Variants in INCENP observed in about 807,000 individuals in gnomAD.
The protein encoded by INCENP is inner centromere protein, also known as binds and activates aurora-B and -C in vivo and in vitro.
INCENP carries 43 observed loss-of-function variants against 107.3 expected under a neutral mutation model. The observed-to-expected ratio is 0.40, with a 90% CI of 0.31 to 0.52. The LOEUF is 0.52. Among genes scored for constraint, INCENP ranks in the 20% least tolerant of loss-of-function variants. The probability of loss-of-function intolerance (pLI) is 0.53; values close to 1 mark genes in which losing one functional copy is unlikely to be tolerated. For missense variants in INCENP, 1,089 were observed against 1,250.9 expected (o/e 0.87, Z 1.95); for synonymous variants, 488 against 494.4 (o/e 0.99, Z 0.17).
chr11:62,129,495 C>T (rs1274702448), intron 3 of INCENP, among the ~76,000 whole-genome samples: 3 of 152,122 alleles, frequency 2.0e-5, no homozygotes, highest in Non-Finnish European at 2.9e-5. Context: ...AGCAGGGGCT[C>T]GGTGTGGTGT....
At chr11:62,139,531 C>T (rs1174082257) in intron 7 of INCENP, among the ~76,000 whole-genome samples, 2 of 152,222 alleles carry the variant, frequency 1.3e-5, no homozygotes, top group Admixed American at 6.5e-5. Context: ...ATCTTGAACA[C>T]GGCCTCCTCC....
At chr11:62,139,984 G>A (rs1944077443) in intron 7 of INCENP, among the ~76,000 whole-genome samples, 1 of 152,064 alleles carries the variant, frequency 6.6e-6, no homozygotes, top group South Asian at 2.1e-4. Flanking sequence ...TCACTATGTT[G>A]GCCAGGCTGG....
chr11:62,145,162 C>T lies in INCENP; in HGVS notation c.1716-7C>T. 1 of 1,614,160 alleles carries T rather than the reference C, an allele frequency of 6.2e-7. No individual in the cohort carries two copies. The highest frequency in any genetic ancestry group is 8.5e-7 in the Non-Finnish European group (1 of 1,180,032). On this transcript the variant is annotated splice_region_variant and splice_polypyrimidine_tract_variant and intron_variant, in intron 12 of 18. Transcript: ENST00000394818. ...GGGGCTCCCCATGACTATCCTATGC[C>T]CCGCAGGAAGCGTGAGGAACGCCTC... is the stretch of plus-strand genomic sequence containing the variant.
intron 11 of INCENP, among the ~76,000 whole-genome samples, chr11:62,143,999 T>C (rs1179534780): frequency 6.6e-6 from 1 of 152,210 alleles, no homozygotes; most frequent in Non-Finnish European, 1.5e-5. Flanking sequence ...ATCAATCAGC[T>C]TTTCAGCCAA....
chr11:62,131,146 A>T (rs1943885816), intron 4 of INCENP, among the ~76,000 whole-genome samples: 1 of 152,110 alleles, frequency 6.6e-6, no homozygotes, highest in African/African-American at 2.4e-5. Flanking sequence ...TGGGCATCTG[A>T]TGGGAGCCAG....
rs1486721932 is a variant in INCENP, at chr11:62,145,741, G to C, written c.1949G>C (p.Trp650Ser). The C allele has an allele frequency of 1.3e-6, 2 of 1,553,012 alleles. No homozygotes were observed. Among genetic ancestry groups the C allele is most frequent in the African/African-American group, 1.4e-5 (1 of 73,194 alleles). Residue 650 changes from tryptophan to serine, a missense_variant, in exon 14 of 19, where the codon TGG becomes TCG. Coordinates refer to ENST00000394818, the MANE Select transcript of INCENP (RefSeq NM_001040694.2). ...GAAGAGGAGGCACGTAGGCTCAGGT[G>C]GCTGCAGCAGGTGCGAGCACAGGTG... ...KQEEEARRLR[W>S]LQQEEEERRH...
At chr11:62,131,071 C>T (rs1451419897) in intron 4 of INCENP, among the ~76,000 whole-genome samples, 3 of 152,198 alleles carry the variant, frequency 2.0e-5, no homozygotes, top group Non-Finnish European at 2.9e-5. Flanking sequence ...CGCCTATTGG[C>T]GACACTGTGT....
intron 3 of INCENP, 136 bp downstream of exon 3, chr11:62,129,019 T>C (rs750330917): frequency 7.6e-5 from 49 of 648,056 alleles, no homozygotes; most frequent in Non-Finnish European, 1.2e-4. Context: ...CCGCGGGTAC[T>C]GCGTGGGCCA....
chr11:62,131,159 G>A (rs1471614517), intron 4 of INCENP, among the ~76,000 whole-genome samples: 49 of 152,196 alleles, frequency 3.2e-4, no homozygotes, highest in Admixed American at 3.2e-3. Flanking sequence ...GGAGCCAGGA[G>A]GGGGAACCAA....
chr11:62,142,573 A>G (rs1418755860), intron 11 of INCENP, among the ~76,000 whole-genome samples: 1 of 152,242 alleles, frequency 6.6e-6, no homozygotes, highest in South Asian at 2.1e-4. Context: ...CATCCTGAAC[A>G]TTCTGCTATG....
chr11:62,130,711 C>G (rs1247063789), intron 4 of INCENP, 121 bp downstream of exon 4: 1 of 832,054 alleles, frequency 1.2e-6, no homozygotes, highest in African/African-American at 1.7e-5. Context: ...GTAGATGTTA[C>G]ACATCTGTGC....
chr11:62,133,912 G>A (rs1488103304), intron 4 of INCENP, among the ~76,000 whole-genome samples: 1 of 152,084 alleles, frequency 6.6e-6, no homozygotes, highest in Non-Finnish European at 1.5e-5. Context: ...GAGACCCTGT[G>A]CACCCCAACC....
At chr11:62,151,281 C>T (rs1944366691) in intron 18 of INCENP, among the ~76,000 whole-genome samples, 1 of 152,194 alleles carries the variant, frequency 6.6e-6, no homozygotes, top group Non-Finnish European at 1.5e-5. Flanking sequence ...GTTGTCAGGA[C>T]TGTGCCTTCC....
chr11:62,127,044 T>G (rs1223606467), intron 1 of INCENP, among the ~76,000 whole-genome samples: 2 of 22,414 alleles, frequency 8.9e-5, no homozygotes, highest in South Asian at 1.7e-3. Context: ...TTTTGTTTTG[T>G]TTTTTTTTTT....
chr11:62,126,249 GC>G (rs140736908), intron 1 of INCENP, among the ~76,000 whole-genome samples: 4,362 of 150,790 alleles, frequency 0.029, 250 homozygotes, highest in African/African-American at 0.1. Flanking sequence ...GGGCTGGAGT[GC>G]AGTGGTGTGA....
rs1218209744 is a variant in INCENP, at chr11:62,138,568, A to G, written c.1116-145A>G. 22 of 653,828 alleles carry G rather than the reference A, an allele frequency of 3.4e-5. No homozygotes were observed. The East Asian group carries it at 5.7e-4, about 17-fold the overall frequency. 40.5% of individuals were successfully genotyped at this position (653,828 alleles called of 1,614,324 possible). A position where few individuals can be genotyped will look rare whatever the true frequency, so the allele number is the denominator to read the frequency against. ...CCGGGAGCTGCCATCCTCCTATCCT[A>G]CAGGGGGCTGTGGGTTCGTGGCCCT... On this transcript the variant is annotated intron_variant, in intron 5 of 18. Transcript: ENST00000394818.
At chr11:62,142,567 C>T (rs1475162001) in intron 11 of INCENP, among the ~76,000 whole-genome samples, 1 of 152,224 alleles carries the variant, frequency 6.6e-6, no homozygotes, top group Non-Finnish European at 1.5e-5. Context: ...GGACTGCATC[C>T]TGAACATTCT....
At position 62,145,274 on chromosome 11, in the gene INCENP, C is replaced by T. The variant is rs141016037; in HGVS notation, c.1821C>T (p.Asp607=). Reference sequence around the variant, plus strand: ...TTGAGCAGAAGTTTGCTCAGATCGACGAGAAGACTGAGAAGGTGGGAGCCT... The same window carrying T: ...TTGAGCAGAAGTTTGCTCAGATCGATGAGAAGACTGAGAAGGTGGGAGCCT... ...KQIEQKFAQI[D]EKTEKAKEER... Residue 607 remains aspartate (D), a synonymous_variant, in exon 13 of 19, where the codon GAC becomes GAT. Coordinates refer to ENST00000394818, the MANE Select transcript of INCENP (RefSeq NM_001040694.2). 1.2e-5 allele frequency: 19 copies of T among 1,613,990 alleles called. No homozygotes were observed. The highest frequency in any genetic ancestry group is 1.6e-4 in the Middle Eastern group (1 of 6,062).
At chr11:62,151,621 T>C (rs1261250187) in intron 18 of INCENP, 141 bp from the exon 19 acceptor site, 3 of 658,662 alleles carry the variant, frequency 4.6e-6, no homozygotes, top group African/African-American at 3.6e-5. Flanking sequence ...TTGATGGTGG[T>C]ACAGGCAGGG....
Sources: gnomAD v4.1 joint callset for allele counts (sites outside exome capture counted in the v4.1 genomes callset) on GRCh38, gnomAD v4.1.1 for gene constraint, MANE v1.5 for transcripts, NCBI Gene and HGNC (gene_info 2026-07-23, HGNC 2026-07-21) for gene names.